Variants in ART1 observed in about 807,000 individuals in gnomAD.
ART1 encodes GPI-linked NAD(P)(+)--arginine ADP-ribosyltransferase 1.
A neutral mutation model predicts 27.0 loss-of-function variants in ART1; 29 were observed. The observed-to-expected ratio is 1.08, with a 90% confidence interval of 0.80 to 1.47. The LOEUF (loss-of-function observed/expected upper bound fraction) is 1.47. ART1 is among the 40% of genes most tolerant of loss of function. The pLI, the probability that ART1 is intolerant of heterozygous loss-of-function variation, is 0.00. For synonymous variants in ART1, 201 were observed against 172.2 expected (o/e 1.17, Z -1.31); for missense variants, 480 against 423.0 (o/e 1.13, Z -1.18).
rs146266340 is a variant in ART1 at position 3,661,911 on chromosome 11, C to T, written c.886+498C>T. On this transcript the variant is annotated intron_variant, in intron 4 of 4. Transcript: ENST00000250693. ...GCCAGGAGATGAGTGTGTGGGAGAGCAGATGGTTGAGGGAGCAGGGACACC... is the reference window on the plus strand; with the variant it reads ...GCCAGGAGATGAGTGTGTGGGAGAGTAGATGGTTGAGGGAGCAGGGACACC... 5.4e-3 allele frequency among the ~76,000 whole-genome samples: 817 copies of T among 152,332 alleles called. 10 individuals are homozygous for T. Among genetic ancestry groups the T allele is most frequent in the African/African-American group, 0.017 (715 of 41,578 alleles).
At chr11:3,653,783 C>T (rs1589919924) in intron 1 of ART1, among the ~76,000 whole-genome samples, 1 of 151,240 alleles carries the variant, frequency 6.6e-6, no homozygotes, top group Non-Finnish European at 1.5e-5. Flanking sequence ...GTAAATTCCA[C>T]CTCCTACCTC....
rs1034949611 is a variant in ART1 at position 3,661,615 on chromosome 11, C to G, written c.886+202C>G. Among the ~76,000 whole-genome samples, 3 of 151,848 alleles carry G rather than the reference C, an allele frequency of 2.0e-5. No individual in the cohort carries two copies. In the East Asian group the frequency reaches 5.8e-4, roughly 30 times the overall value. ...GTTCAAGCCATTCTCCTGCCTCAGC[C>G]TCTTGATTACAGCTGGGATTACAGG... On this transcript the variant is annotated intron_variant, in intron 4 of 4. Transcript: ENST00000250693.
chr11:3,660,128 C>T lies in ART1; in HGVS notation c.609C>T (p.Ala203=), dbSNP rs2077608549. ...ATVRLGGFAS[A]SLKHVAAQQF... ...TGAGGCTGGGGGGCTTTGCTTCTGC[C>T]TCCCTGAAGCATGTTGCAGCCCAGC... Residue 203 remains alanine, a synonymous_variant, in exon 3 of 5, where the codon GCC becomes GCT. Transcript: ENST00000250693. 1 of 1,613,818 alleles carries T rather than the reference C, an allele frequency of 6.2e-7. No individual in the cohort carries two copies. Among genetic ancestry groups the T allele is most frequent in the African/African-American group, 1.3e-5 (1 of 74,942 alleles).
chr11:3,662,642 C>G (rs577020249), intron 4 of ART1, among the ~76,000 whole-genome samples: 1 of 152,058 alleles, frequency 6.6e-6, no homozygotes, highest in Non-Finnish European at 1.5e-5. Flanking sequence ...GTCAGGAGTT[C>G]GAGACCAGCC....
At chr11:3,659,465 C>T in intron 2 of ART1, 118 bp from the exon 3 acceptor site, 5 of 1,376,416 alleles carry the variant, frequency 3.6e-6, no homozygotes, top group Admixed American at 2.3e-5. Context: ...ATCCCCTTCC[C>T]CACCAGGTGT....
At chr11:3,659,344 A>C in intron 2 of ART1, 68 bp downstream of exon 2, 1 of 1,599,642 alleles carries the variant, frequency 6.3e-7, no homozygotes, top group South Asian at 1.1e-5. Flanking sequence ...TGAACCCTGG[A>C]GGGAGAAAGA....
At chr11:3,661,787 C>T (rs943883166) in intron 4 of ART1, among the ~76,000 whole-genome samples, 5 of 152,130 alleles carry the variant, frequency 3.3e-5, no homozygotes, top group African/African-American at 4.8e-5. Context: ...CGTCAGCCAC[C>T]GTGCCCGGCC....
intron 4 of ART1, among the ~76,000 whole-genome samples, chr11:3,663,076 A>ATCTCATCTCATCATC (rs1554883212): frequency 5.4e-5 from 4 of 74,600 alleles, no homozygotes; most frequent in Non-Finnish European, 7.4e-5. Flanking sequence ...ATCTCATCTC[A>ATCTCATCTCATCATC]TCATCTCATC....
chr11:3,663,575 T>C (rs887800663), intron 4 of ART1, among the ~76,000 whole-genome samples: 1 of 152,172 alleles, frequency 6.6e-6, no homozygotes, highest in Admixed American at 6.5e-5. Flanking sequence ...TCTGTCTACC[T>C]TCCTAAATTC....
chr11:3,663,076 A>ATCTCATCTCATCTCATCTCATC lies in ART1; in HGVS notation c.887-1014_887-1013insTCATCTCATCTCATCTCATCTC, dbSNP rs1554883212. On this transcript the variant is annotated intron_variant, in intron 4 of 4. Coordinates refer to ENST00000250693, the MANE Select transcript of ART1 (RefSeq NM_004314.3). ...ATCTCATCTCATCTCATCTCATCTC[A>ATCTCATCTCATCTCATCTCATC]TCATCTCATCTCATCATCTCATCTC... Among the ~76,000 whole-genome samples the ATCTCATCTCATCTCATCTCATC allele has an allele frequency of 1.2e-3, 90 of 74,620 alleles. 1 individual carries two copies. Among genetic ancestry groups the ATCTCATCTCATCTCATCTCATC allele is most frequent in the South Asian group, 2.7e-3 (4 of 1,474 alleles). 49.0% of individuals were successfully genotyped at this position (74,620 alleles called of 152,430 possible).
intron 3 of ART1, 74 bp downstream of exon 3, chr11:3,660,437 C>G: frequency 2.0e-6 from 3 of 1,500,432 alleles, no homozygotes; most frequent in Non-Finnish European, 1.8e-6. Flanking sequence ...TTTGGCAAAC[C>G]GAAGCCCCTA....
Position 3,659,932 on chromosome 11 carries a change from C to G in ART1, c.413C>G (p.Ala138Gly). The change falls in exon 3 of 5, where the codon GCG becomes GGG. Residue 138 changes from alanine (A) to glycine (G), a missense_variant. Ala to Gly is a moderately conservative substitution (Grantham distance 60). Transcript: ENST00000250693. ...GAGTTCAATGCAGCCGTGCGTGAGG[C>G]GGGCCGCTCCCGGGCCCACTACCTC... ...HKEFNAAVREAGRSRAHYLHH... is the reference protein window; with the variant it reads ...HKEFNAAVREGGRSRAHYLHH... The G allele has an allele frequency of 6.2e-7, 1 of 1,613,246 alleles. No individual in the cohort carries two copies. The highest frequency in any genetic ancestry group is 8.5e-7 in the Non-Finnish European group (1 of 1,179,660).
At chr11:3,655,415 C>G (rs1456069745) in intron 1 of ART1, 1 of 152,232 alleles carries the variant, frequency 6.6e-6, no homozygotes, top group Non-Finnish European at 1.5e-5. Context: ...GACAGGAAGT[C>G]TGACTTCCAG....
intron 1 of ART1, among the ~76,000 whole-genome samples, chr11:3,652,752 G>A (rs970610946): frequency 9.3e-5 from 14 of 151,004 alleles, no homozygotes; most frequent in Non-Finnish European, 1.6e-4. Flanking sequence ...TACACTGCCG[G>A]TTTACACTGT....
intron 1 of ART1, among the ~76,000 whole-genome samples, chr11:3,649,715 C>G (rs1428432176): frequency 6.6e-6 from 1 of 152,200 alleles, no homozygotes. Flanking sequence ...CCTCCCCAAC[C>G]TGCCCAGCAA....
intron 3 of ART1, 82 bp from the exon 4 acceptor site, chr11:3,661,290 G>A: frequency 7.7e-7 from 1 of 1,304,228 alleles, no homozygotes; most frequent in South Asian, 1.3e-5. Context: ...AACAAGTCAG[G>A]GATGGACTAC....
chr11:3,654,798 C>T (rs1466938284), intron 1 of ART1, among the ~76,000 whole-genome samples: 7 of 152,014 alleles, frequency 4.6e-5, no homozygotes. Flanking sequence ...CCACCTCCTA[C>T]CTCTGTCTGT....
At chr11:3,651,775 C>G (rs534106960) in intron 1 of ART1, among the ~76,000 whole-genome samples, 15 of 151,782 alleles carry the variant, frequency 9.9e-5, no homozygotes, top group Non-Finnish European at 1.9e-4. Flanking sequence ...GTTCCTGGCC[C>G]GGACTTCAAT....
Position 3,659,842 on chromosome 11 carries a change from T to C in ART1, c.323T>C (p.Leu108Pro). The C allele has an allele frequency of 6.2e-7, 1 of 1,612,312 alleles. No homozygotes were observed. Among genetic ancestry groups the C allele is most frequent in the Non-Finnish European group, 8.5e-7 (1 of 1,179,554 alleles). Reference protein sequence around the residue: ...LSPTRPSPPPLGFRDEHGVAL... With the variant: ...LSPTRPSPPPPGFRDEHGVAL... Reference sequence around the variant, plus strand: ...CCCACCCGTCCATCCCCGCCACCCCTGGGCTTCCGCGATGAGCATGGGGTG... The same window carrying C: ...CCCACCCGTCCATCCCCGCCACCCCCGGGCTTCCGCGATGAGCATGGGGTG... Residue 108 changes from leucine to proline, a missense_variant, in exon 3 of 5, where the codon CTG becomes CCG. Transcript: ENST00000250693.
Sources: gnomAD v4.1 joint callset for allele counts (sites outside exome capture counted in the v4.1 genomes callset) on GRCh38, gnomAD v4.1.1 for gene constraint, MANE v1.5 for transcripts, NCBI Gene and HGNC (gene_info 2026-07-23, HGNC 2026-07-21) for gene names.